The following CR1 variants were observed in gnomAD, a reference collection of about 807,000 sequenced individuals.
CR1 encodes complement C3b/C4b receptor 1 (Knops blood group).
A neutral mutation model predicts 187.3 loss-of-function variants in CR1; 116 were observed. The ratio of observed to expected loss-of-function variants is 0.62; its 90% CI spans 0.53 to 0.72. The LOEUF is 0.72. CR1 is among the 30% of genes least tolerant of loss of function. The pLI, the probability that CR1 is intolerant of heterozygous loss-of-function variation, is 0.00. For synonymous variants in CR1, 576 were observed against 747.1 expected, an observed-to-expected ratio of 0.77 and a Z score of 3.73; for missense variants, 1,731 against 2,110.7, an observed-to-expected ratio of 0.82 and a Z score of 3.52.
rs757023579 is a variant in CR1, at chr1:207,578,066, C to G, written c.4799C>G (p.Ser1600Cys). The change falls in exon 29 of 47, where the codon TCT becomes TGT. Residue 1600 changes from serine to cysteine, a missense_variant. Around this residue, in one of 5 missense-constraint regions of CR1, gnomAD observed 1,312 missense variants for 1,379.6 expected, o/e 0.95. Coordinates refer to ENST00000367049, the MANE Select transcript of CR1 (RefSeq NM_000651.6). The stretch of plus-strand genomic sequence containing the variant: ...AATGTGGAAAATGGAATATTGGTAT[C>G]TGACAACAGAAGCTTATTTTCCTTA... ...PPNVENGILV[S>C]DNRSLFSLNE... 6.2e-6 allele frequency: 10 copies of G among 1,611,726 alleles called. No homozygotes were observed. The highest frequency in any genetic ancestry group is 1.3e-5 in the African/African-American group (1 of 74,960).
chr1:207,514,398 C>T (rs1428794454), intron 4 of CR1, among the ~76,000 whole-genome samples: 2 of 152,016 alleles, frequency 1.3e-5, no homozygotes, highest in Admixed American at 6.6e-5. Context: ...AATCCTTACC[C>T]CTAAAGTGAT....
At chr1:207,581,263 C>T (rs868413999) in intron 31 of CR1, among the ~76,000 whole-genome samples, 12 of 138,664 alleles carry the variant, frequency 8.7e-5, no homozygotes, top group Middle Eastern at 3.6e-3. Context: ...TATATGTAGA[C>T]GTATACATAT....
At chr1:207,514,466 G>T (rs1247950959) in intron 4 of CR1, among the ~76,000 whole-genome samples, 1 of 152,110 alleles carries the variant, frequency 6.6e-6, no homozygotes, top group Non-Finnish European at 1.5e-5. Flanking sequence ...GAGCCATCAC[G>T]AATGGGATTA....
intron 35 of CR1, among the ~76,000 whole-genome samples, chr1:207,591,417 A>G (rs541138773): frequency 5.9e-4 from 90 of 152,362 alleles, no homozygotes; most frequent in African/African-American, 2.0e-3. Flanking sequence ...ACAAAGACAC[A>G]ATGTACCAGA....
chr1:207,581,027 T>A (rs1660919353), intron 31 of CR1, among the ~76,000 whole-genome samples: 1 of 152,136 alleles, frequency 6.6e-6, no homozygotes, highest in Non-Finnish European at 1.5e-5. Context: ...TAAAATCATT[T>A]TGGAAAACGT....
rs1391836941 is a variant in CR1 at position 207,618,205 on chromosome 1, A to G, written c.7024A>G (p.Thr2342Ala). ...AGTGGGAAAGGGCTTCATTTTCTGT[A>G]CAGACCAGGGAATCTGGAGCCAATT... is the stretch of plus-strand genomic sequence containing the variant. ...LLVGKGFIFC[T>A]DQGIWSQLDH... Residue 2342 changes from threonine (T) to alanine (A), a missense_variant, in exon 42 of 47, where the codon ACA becomes GCA. Transcript: ENST00000367049. 1 of 1,613,702 alleles carries G rather than the reference A, an allele frequency of 6.2e-7. No homozygotes were observed. The highest frequency in any genetic ancestry group is 1.3e-5 in the African/African-American group (1 of 74,898).
chr1:207,526,079 G>T (rs111418973), intron 5 of CR1, among the ~76,000 whole-genome samples: 1 of 152,030 alleles, frequency 6.6e-6, no homozygotes, highest in African/African-American at 2.4e-5. Context: ...AATATGTTGC[G>T]TAAATATACA....
chr1:207,573,221 A>T (rs1182724037), intron 27 of CR1, among the ~76,000 whole-genome samples: 1 of 152,022 alleles, frequency 6.6e-6, no homozygotes, highest in African/African-American at 2.4e-5. Context: ...CTCATTCTTC[A>T]TGGGAACAGC....
intron 40 of CR1, among the ~76,000 whole-genome samples, chr1:207,615,106 G>C (rs1296009066): frequency 6.6e-6 from 1 of 152,098 alleles, no homozygotes; most frequent in African/African-American, 2.4e-5. Context: ...ACCATGCCCA[G>C]CCAAATTTTT....
chr1:207,613,941 G>A (rs554944403), intron 39 of CR1, among the ~76,000 whole-genome samples: 11 of 152,106 alleles, frequency 7.2e-5, no homozygotes, highest in Admixed American at 2.0e-4. Flanking sequence ...AACAGTGCCC[G>A]TTCTCTTTCT....
At chr1:207,620,288 C>A (rs1053866067) in intron 43 of CR1, among the ~76,000 whole-genome samples, 2 of 152,178 alleles carry the variant, frequency 1.3e-5, no homozygotes, top group Non-Finnish European at 2.9e-5. Flanking sequence ...TTGTCTATAT[C>A]ACTTTGTGGT....
At chr1:207,607,212 T>C in intron 35 of CR1, 39 bp from the exon 36 acceptor site, 2 of 1,450,294 alleles carry the variant, frequency 1.4e-6, no homozygotes, top group Non-Finnish European at 1.9e-6. Context: ...AAATGGGAAA[T>C]ATGTGTAGCG....
rs1250785609 is a variant in CR1 at position 207,565,427 on chromosome 1, T to A, written c.3867-411T>A. 6.7e-5 allele frequency among the ~76,000 whole-genome samples: 10 copies of A among 150,266 alleles called. 1 individual carries two copies. The highest frequency in any genetic ancestry group is 2.5e-4 in the African/African-American group (10 of 39,666). ...TCTCTCGCCAGCTATTTCCCACTTT[T>A]CCACTCCAAACTGGGAGCTGTTTTA... On this transcript the variant is annotated intron_variant, in intron 23 of 46. Transcript: ENST00000367049.
In CR1 at chr1:207,640,118, C is replaced by T. The variant is rs1317312928; in HGVS notation, c.*709C>T. ...GAGAAATATTTGGAAAATAAGATTT[C>T]GATATCTTCTTTTTTTTTGAGATGG... is the stretch of plus-strand genomic sequence containing the variant. On this transcript the variant is annotated 3_prime_UTR_variant, in exon 47 of 47. Coordinates refer to ENST00000367049, the MANE Select transcript of CR1 (RefSeq NM_000651.6). 1 of 152,018 alleles carries T rather than the reference C, an allele frequency of 6.6e-6. No individual in the cohort carries two copies. The highest frequency in any genetic ancestry group is 2.4e-5 in the African/African-American group (1 of 41,394). The allele number at this position is 152,018 out of a possible 1,614,324, so 9.4% of individuals were successfully genotyped here. A position where few individuals can be genotyped will look rare whatever the true frequency, so the allele number is the denominator to read the frequency against.
Position 207,593,084 on chromosome 1 carries a change from C to CAAAAAAAAA in CR1, c.5810+4321_5810+4329dup, listed in dbSNP as rs57700679. Among the ~76,000 whole-genome samples, 779 of 83,022 alleles carry CAAAAAAAAA rather than the reference C, an allele frequency of 9.4e-3. 51 individuals are homozygous for CAAAAAAAAA. Among genetic ancestry groups the CAAAAAAAAA allele is most frequent in the African/African-American group, 0.036 (718 of 19,954 alleles). The allele number at this position is 83,022 out of a possible 152,430, so 54.5% of individuals were successfully genotyped here. On this transcript the variant is annotated intron_variant, in intron 35 of 46. Coordinates refer to ENST00000367049, the MANE Select transcript of CR1 (RefSeq NM_000651.6). Reference sequence around the variant, plus strand: ...ACCAATGGCTTTCTTCACAGAATTACAAAAAAAAAAAAAAAAAAACTACTT... The same window carrying CAAAAAAAAA: ...ACCAATGGCTTTCTTCACAGAATTACAAAAAAAAAAAAAAAAAAAAAAAAAAAACTACTT...
rs71154830 is a variant in CR1, at chr1:207,623,911, CTTTTTTTTTTTTT to C, written c.7352+863_7352+875del. Among the ~76,000 whole-genome samples the C allele has an allele frequency of 1.9e-4, 10 of 52,474 alleles. No individual in the cohort carries two copies. The East Asian group carries it at 2.7e-3, about 14-fold the overall frequency. 34.4% of individuals were successfully genotyped at this position (52,474 alleles called of 152,430 possible). ...ACAAATATTTTGTAAACACCATTAA[CTTTTTTTTTTTTT>C]TTTTTTTTTTTTTTTTTTTAAGACC... On this transcript the variant is annotated intron_variant, in intron 45 of 46. Coordinates refer to ENST00000367049, the MANE Select transcript of CR1 (RefSeq NM_000651.6).
intron 32 of CR1, among the ~76,000 whole-genome samples, chr1:207,583,492 C>T (rs1180900591): frequency 1.3e-5 from 2 of 152,070 alleles, no homozygotes; most frequent in African/African-American, 4.8e-5. Context: ...AAGAGGTTTG[C>T]TTTTGATTTT....
intron 31 of CR1, among the ~76,000 whole-genome samples, chr1:207,581,302 GGACACGTATATGTATACGTATA>G (rs1660940185): frequency 6.7e-6 from 1 of 149,254 alleles, no homozygotes; most frequent in Admixed American, 6.7e-5. Context: ...GTATACATAT[GGACACGTATATGTATACGTATA>G]CATGTACATG....
At chr1:207,516,845 T>C (rs1659823795) in intron 4 of CR1, among the ~76,000 whole-genome samples, 1 of 152,176 alleles carries the variant, frequency 6.6e-6, no homozygotes, top group African/African-American at 2.4e-5. Flanking sequence ...AGTTTATCTG[T>C]AGATTCTTTT....
Sources: allele counts gnomAD v4.1 joint callset (sites outside exome capture counted in the v4.1 genomes callset), GRCh38; gene constraint gnomAD v4.1.1; regional missense constraint gnomAD v4.1.1; transcripts MANE v1.5; gene names NCBI Gene and HGNC (gene_info 2026-07-23, HGNC 2026-07-21).